Variants in INPP4B observed in about 807,000 individuals in gnomAD.
The protein encoded by INPP4B is inositol polyphosphate 4-phosphatase type II.
INPP4B carries 55 observed loss-of-function variants against 122.5 expected under a neutral mutation model. That is an observed-to-expected ratio of 0.45 (90% CI 0.36 to 0.56). The LOEUF (loss-of-function observed/expected upper bound fraction) is 0.56, where lower values mean the gene tolerates loss of function less well. Ranked by LOEUF, INPP4B falls within the 20% of genes least tolerant of loss-of-function variation. The probability of loss-of-function intolerance (pLI) is 0.00; values close to 1 mark genes in which losing one functional copy is unlikely to be tolerated. For synonymous variants in INPP4B, 403 were observed against 388.7 expected (o/e 1.04, Z -0.43); for missense variants, 1,000 against 1,097.7 (o/e 0.91, Z 1.26).
chr4:142,226,020 C>T (rs1332233203), intron 12 of INPP4B, among the ~76,000 whole-genome samples: 1 of 152,138 alleles, frequency 6.6e-6, no homozygotes. Flanking sequence ...TAGTAACTAA[C>T]ATATTTCAAT....
At chr4:142,690,578 A>C (rs1760029150) in intron 2 of INPP4B, among the ~76,000 whole-genome samples, 1 of 152,140 alleles carries the variant, frequency 6.6e-6, no homozygotes, top group Admixed American at 6.6e-5. Flanking sequence ...ATTTAGTGTC[A>C]ATTTAACATT....
At chr4:142,089,478 C>CAT (rs1184503102) in intron 23 of INPP4B, among the ~76,000 whole-genome samples, 8 of 143,274 alleles carry the variant, frequency 5.6e-5, no homozygotes, top group Non-Finnish European at 9.3e-5. Context: ...CACACACACA[C>CAT]ACAGAGAGAG....
In INPP4B at chr4:142,830,966, G is replaced by A. The variant is rs144481266; in HGVS notation, c.-254+15243C>T. 8.3e-3 allele frequency among the ~76,000 whole-genome samples: 1,257 copies of A among 151,736 alleles called. 11 individuals are homozygous for A. Among genetic ancestry groups the A allele is most frequent in the African/African-American group, 0.024 (983 of 41,378 alleles). On this transcript the variant is annotated intron_variant, in intron 1 of 25. Transcript: ENST00000262992. Reference sequence around the variant, plus strand: ...GGGCCCAGGAAGCAGAGGCTACAGCGAGCCAAGATCACACCACTGCACTCC... The same window carrying A: ...GGGCCCAGGAAGCAGAGGCTACAGCAAGCCAAGATCACACCACTGCACTCC...
At chr4:142,769,893 G>A (rs941530435) in intron 1 of INPP4B, among the ~76,000 whole-genome samples, 4 of 152,058 alleles carry the variant, frequency 2.6e-5, no homozygotes, top group South Asian at 2.1e-4. Flanking sequence ...CAGCCTGGGC[G>A]ACAGAGTGAG....
intron 2 of INPP4B, among the ~76,000 whole-genome samples, chr4:142,715,196 C>T (rs1437084092): frequency 1.3e-5 from 2 of 152,138 alleles, no homozygotes; most frequent in Non-Finnish European, 2.9e-5. Context: ...TAGCCTTGGG[C>T]CACATGTGTG....
At chr4:142,442,411 CAAAAAAAAAA>C in intron 3 of INPP4B, among the ~76,000 whole-genome samples, 1 of 78,622 alleles carries the variant, frequency 1.3e-5, no homozygotes, top group East Asian at 3.8e-4. Context: ...GACTCCATCT[CAAAAAAAAAA>C]AAAAAAAAAG....
chr4:142,277,609 C>G (rs553512579), intron 9 of INPP4B, among the ~76,000 whole-genome samples: 15 of 151,750 alleles, frequency 9.9e-5, no homozygotes, highest in Non-Finnish European at 1.9e-4. Flanking sequence ...TTCACAATCA[C>G]AAAAATATGG....
intron 1 of INPP4B, among the ~76,000 whole-genome samples, chr4:142,797,974 A>G (rs1777492160): frequency 6.6e-6 from 1 of 151,934 alleles, no homozygotes; most frequent in Non-Finnish European, 1.5e-5. Context: ...AATAAAGTGA[A>G]AAGAAATATC....
At chr4:142,395,597 A>G (rs773427403) in intron 7 of INPP4B, among the ~76,000 whole-genome samples, 4 of 152,226 alleles carry the variant, frequency 2.6e-5, no homozygotes, top group Non-Finnish European at 4.4e-5. Flanking sequence ...TCTAAGAGAT[A>G]TTAGCACTGC....
intron 17 of INPP4B, among the ~76,000 whole-genome samples, chr4:142,150,832 G>A (rs1327969795): frequency 6.6e-6 from 1 of 152,136 alleles, no homozygotes; most frequent in Non-Finnish European, 1.5e-5. Flanking sequence ...AATCCTGACT[G>A]CTTTGGAGCA....
chr4:142,168,028 C>G (rs1281671676), intron 16 of INPP4B, among the ~76,000 whole-genome samples: 1 of 151,178 alleles, frequency 6.6e-6, no homozygotes, highest in African/African-American at 2.4e-5. Context: ...TTGCCTAAAG[C>G]CTAATAAGAA....
intron 2 of INPP4B, among the ~76,000 whole-genome samples, chr4:142,471,291 C>CT (rs537704915): frequency 2.1e-4 from 32 of 151,470 alleles, no homozygotes; most frequent in African/African-American, 2.2e-4. Flanking sequence ...ACAGCTATAG[C>CT]TTTTTTTTTA....
chr4:142,806,811 G>GAAAGAA (rs1554013595), intron 1 of INPP4B, among the ~76,000 whole-genome samples: 1 of 141,754 alleles, frequency 7.1e-6, no homozygotes, highest in Admixed American at 7.2e-5. Context: ...AAGAAAGAAA[G>GAAAGAA]AAAGAAAGAA....
At chr4:142,712,135 G>T (rs867521693) in intron 2 of INPP4B, among the ~76,000 whole-genome samples, 1 of 152,148 alleles carries the variant, frequency 6.6e-6, no homozygotes, top group Admixed American at 6.6e-5. Context: ...CGTAGCAAGG[G>T]AGTGCTAGCC....
intron 9 of INPP4B, among the ~76,000 whole-genome samples, chr4:142,274,670 C>A (rs1371389374): frequency 2.6e-5 from 4 of 151,764 alleles, no homozygotes; most frequent in Non-Finnish European, 5.9e-5. Flanking sequence ...TACAAGGATA[C>A]AAATTTGATT....
chr4:142,073,174 G>T, intron 25 of INPP4B, among the ~76,000 whole-genome samples: 1 of 152,014 alleles, frequency 6.6e-6, no homozygotes, highest in Non-Finnish European at 1.5e-5. Flanking sequence ...TTACAGTTTT[G>T]ATCCCCATAA....
intron 25 of INPP4B, chr4:142,029,374 A>ATTAT: frequency 1.0e-6 from 1 of 985,402 alleles, no homozygotes; most frequent in Non-Finnish European, 1.2e-6. Flanking sequence ...TCTCTATTTT[A>ATTAT]TTATTTTAGC....
At chr4:142,456,224 C>T (rs1815386527) in intron 3 of INPP4B, among the ~76,000 whole-genome samples, 1 of 151,866 alleles carries the variant, frequency 6.6e-6, no homozygotes, top group South Asian at 2.1e-4. Flanking sequence ...AGAAATATTG[C>T]CCAGAACAAT....
chr4:142,809,226 A>AT (rs1779209966), intron 1 of INPP4B, among the ~76,000 whole-genome samples: 1 of 151,972 alleles, frequency 6.6e-6, no homozygotes, highest in South Asian at 2.1e-4. Flanking sequence ...TTTATTTCTT[A>AT]TTTTTTATTT....
Sources: gnomAD v4.1 joint callset for allele counts (sites outside exome capture counted in the v4.1 genomes callset) on GRCh38, gnomAD v4.1.1 for gene constraint, MANE v1.5 for transcripts, NCBI Gene and HGNC (gene_info 2026-07-23, HGNC 2026-07-21) for gene names.